MAPK6: variants seen among roughly 807,000 people sequenced by gnomAD.
The protein encoded by MAPK6 is mitogen-activated protein kinase 6.
Under a neutral mutation model 59.3 loss-of-function variants are expected in MAPK6, and 19 were observed. The observed-to-expected ratio is 0.32, with a 90% CI of 0.22 to 0.47. The LOEUF (loss-of-function observed/expected upper bound fraction) is 0.47, where lower values mean the gene tolerates loss of function less well. MAPK6 is among the 20% of genes least tolerant of loss of function. The pLI, the probability that MAPK6 is intolerant of heterozygous loss-of-function variation, is 1.00. For synonymous variants in MAPK6, 316 were observed against 290.3 expected (o/e 1.09, Z -0.90); for missense variants, 724 against 847.9 (o/e 0.85, Z 1.81).
chr15:52,060,659 A>T (rs924712843), intron 4 of MAPK6, among the ~76,000 whole-genome samples: 1 of 152,202 alleles, frequency 6.6e-6, no homozygotes, highest in Non-Finnish European at 1.5e-5. Flanking sequence ...AGGAAGGCCT[A>T]CTAGACTATT....
upstream of MAPK6, among the ~76,000 whole-genome samples, chr15:52,016,070 G>GCGCACACACACACACA: frequency 1.4e-4 from 8 of 55,444 alleles, no homozygotes; most frequent in African/African-American, 2.8e-4. Context: ...GCGCGCGCGC[G>GCGCACACACACACACA]CACACACACA....
chr15:52,024,193 A>G (rs369173242), intron 1 of MAPK6, among the ~76,000 whole-genome samples: 1 of 152,180 alleles, frequency 6.6e-6, no homozygotes, highest in Non-Finnish European at 1.5e-5. Context: ...TGGAGGGGTC[A>G]TGGGCATTAT....
At chr15:52,000,762 T>A (rs1397619131) in intron 2 of MAPK6, among the ~76,000 whole-genome samples, 1 of 151,536 alleles carries the variant, frequency 6.6e-6, no homozygotes, top group Non-Finnish European at 1.5e-5. Flanking sequence ...ATCACGCCAC[T>A]GCACTCCAGC....
exon 1 of MAPK6, chr15:51,971,888 T>A (rs2057128234): frequency 9.6e-6 from 8 of 834,196 alleles, no homozygotes; most frequent in South Asian, 7.1e-5. Context: ...GCTCGCCCAG[T>A]GAACCTGTTC....
At chr15:51,994,560 T>C (rs1388327919) in intron 2 of MAPK6, among the ~76,000 whole-genome samples, 2 of 152,166 alleles carry the variant, frequency 1.3e-5, no homozygotes, top group African/African-American at 2.4e-5. Flanking sequence ...AAAGATTTTT[T>C]TTAAAACTGG....
upstream of MAPK6, among the ~76,000 whole-genome samples, chr15:52,015,003 T>C (rs1374009879): frequency 1.3e-5 from 2 of 152,176 alleles, no homozygotes; most frequent in Non-Finnish European, 2.9e-5. Context: ...GAATTGAAAC[T>C]TTTTTTGTTT....
chr15:51,973,771 G>C (rs1352511709), intron 1 of MAPK6, among the ~76,000 whole-genome samples: 1 of 151,796 alleles, frequency 6.6e-6, no homozygotes, highest in African/African-American at 2.4e-5. Flanking sequence ...TCCTGCCTCA[G>C]CCTTCTGAGT....
intron 3 of MAPK6, among the ~76,000 whole-genome samples, chr15:52,013,286 C>T (rs969709391): frequency 6.6e-6 from 1 of 151,760 alleles, no homozygotes; most frequent in Non-Finnish European, 1.5e-5. Context: ...TAATGACTCA[C>T]TTGAAGAGAA....
chr15:51,997,829 C>T (rs1292584000), intron 2 of MAPK6, among the ~76,000 whole-genome samples: 3 of 151,672 alleles, frequency 2.0e-5, no homozygotes, highest in South Asian at 2.1e-4. Flanking sequence ...TGACCTCTGG[C>T]GATCCACCCA....
At chr15:51,989,687 C>T (rs1394316312) in intron 2 of MAPK6, among the ~76,000 whole-genome samples, 6 of 152,112 alleles carry the variant, frequency 3.9e-5, no homozygotes, top group Non-Finnish European at 8.8e-5. Context: ...GTAACCTCAA[C>T]GCCCTGGGCT....
chr15:52,061,378 C>A lies in MAPK6; in HGVS notation c.945C>A (p.Tyr315Ter), dbSNP rs200049070. 1 of 1,614,024 alleles carries A rather than the reference C, an allele frequency of 6.2e-7. No homozygotes were observed. ...LTAEEALSHP[Y>*]MSIYSFPMDE... ...CAGAAGAAGCACTCTCCCATCCTTA[C>A]ATGAGCATATATTCTTTTCCAATGG... is the stretch of plus-strand genomic sequence containing the variant. The change falls in exon 5 of 6, where the codon TAC (tyrosine) becomes TAA (stop). Residue 315 changes from tyrosine to a stop codon, truncating the protein, a stop_gained. Coordinates refer to ENST00000261845, the MANE Select transcript of MAPK6 (RefSeq NM_002748.4). LOFTEE classifies it high-confidence loss of function.
At chr15:52,007,948 G>C (rs1391424994) in intron 3 of MAPK6, among the ~76,000 whole-genome samples, 2 of 151,258 alleles carry the variant, frequency 1.3e-5, no homozygotes, top group African/African-American at 4.9e-5. Flanking sequence ...CCAGGTTTAA[G>C]TGATTCTCCT....
intron 1 of MAPK6, among the ~76,000 whole-genome samples, chr15:51,981,910 GA>G (rs886317105): frequency 2.2e-4 from 34 of 152,146 alleles, no homozygotes; most frequent in Middle Eastern, 3.4e-3. Flanking sequence ...AGAAAGGACG[GA>G]AAAAAATAGA....
chr15:52,052,714 A>G (rs2031820643), intron 3 of MAPK6, among the ~76,000 whole-genome samples: 1 of 152,198 alleles, frequency 6.6e-6, no homozygotes. Flanking sequence ...GTTGTGGCAT[A>G]TGTTAGTACT....
chr15:52,023,106 C>CAAAAAAAA (rs60315520), intron 1 of MAPK6, among the ~76,000 whole-genome samples: 2 of 73,622 alleles, frequency 2.7e-5, no homozygotes, highest in Non-Finnish European at 2.4e-5. Context: ...GACTCCGTCT[C>CAAAAAAAA]AAAAAAAAAA....
In MAPK6 at chr15:51,980,715, C is replaced by G. The variant is rs577329886; in HGVS notation, c.-879-2491C>G. Among the ~76,000 whole-genome samples the G allele has an allele frequency of 1.7e-4, 25 of 151,152 alleles. No homozygotes were observed. In the East Asian group the frequency reaches 4.5e-3, roughly 27 times the overall value. ...AAGCGACTCTCCTGCCTCAGCCTCCCCAGTAGCTGGGACTACAGGCGCATA... is the reference window on the plus strand; with the variant it reads ...AAGCGACTCTCCTGCCTCAGCCTCCGCAGTAGCTGGGACTACAGGCGCATA... On this transcript the variant is annotated intron_variant, in intron 1 of 7. Transcript: ENST00000691380.
At chr15:52,028,760 C>T (rs1246103137) in intron 1 of MAPK6, among the ~76,000 whole-genome samples, 1 of 152,200 alleles carries the variant, frequency 6.6e-6, no homozygotes, top group Non-Finnish European at 1.5e-5. Context: ...GCTACAGCCT[C>T]ATTTCTCTGA....
At chr15:52,055,961 T>C (rs1411580344) in intron 3 of MAPK6, among the ~76,000 whole-genome samples, 1 of 152,246 alleles carries the variant, frequency 6.6e-6, no homozygotes, top group Non-Finnish European at 1.5e-5. Context: ...ATGAAATGAT[T>C]GGAAAGATCT....
intron 2 of MAPK6, among the ~76,000 whole-genome samples, chr15:51,990,311 T>C (rs527679704): frequency 3.9e-5 from 6 of 152,342 alleles, no homozygotes; most frequent in Admixed American, 2.0e-4. Context: ...TGCAAATCCA[T>C]GCTAAGGCCA....
Sources: gnomAD v4.1 joint callset for allele counts (sites outside exome capture counted in the v4.1 genomes callset) on GRCh38, gnomAD v4.1.1 for gene constraint, MANE v1.5 for transcripts, NCBI Gene and HGNC (gene_info 2026-07-23, HGNC 2026-07-21) for gene names.